SH2B1: variants seen among roughly 807,000 people sequenced by gnomAD.
The protein encoded by SH2B1 is SH2B adapter protein 1.
In SH2B1, 15 loss-of-function variants were observed where a neutral mutation model predicts 62.6. The observed-to-expected ratio is 0.24, with a 90% CI of 0.16 to 0.37. SH2B1 has a LOEUF of 0.37. SH2B1 is among the 10% of genes least tolerant of loss of function. The pLI is 1.00. For synonymous variants in SH2B1, 443 were observed against 438.0 expected, an observed-to-expected ratio of 1.01 and a Z score of -0.14; for missense variants, 925 against 1,015.6, an observed-to-expected ratio of 0.91 and a Z score of 1.21.
At chr16:28,861,219 G>A (rs940804547), upstream of SH2B1, among the ~76,000 whole-genome samples, 6 of 152,036 alleles carry the variant, frequency 3.9e-5, no homozygotes, top group African/African-American at 1.4e-4. Context: ...CACAGCCTCC[G>A]CCTCCCAGAT....
chr16:28,853,680 C>G (rs541951920), intron 1 of SH2B1, among the ~76,000 whole-genome samples: 1 of 151,652 alleles, frequency 6.6e-6, no homozygotes, highest in Non-Finnish European at 1.5e-5. Flanking sequence ...ATCCATTCTC[C>G]GTGCAGCAGC....
Position 28,873,734 on chromosome 16 carries a change from G to A in SH2B1, c.2185G>A (p.Val729Met). ...TGGGGACGCGGGGGTGCCCCCAATG[G>A]TGCAGCTGCAGCAGTCACCACTAGG... Reference protein sequence around the residue: ...SGGDAGVPPMVQLQQSPLGGD... With the variant: ...SGGDAGVPPMMQLQQSPLGGD... The change falls in exon 8 of 8, where the codon GTG becomes ATG. Residue 729 changes from valine to methionine, a missense_variant. Physicochemically the swap from Val to Met is conservative, Grantham distance 21. Coordinates refer to ENST00000684370, the MANE Select transcript of SH2B1 (RefSeq NM_001387430.1). The surrounding 1 kb of genome is among the most constrained non-coding windows in gnomAD (Gnocchi z 4.2). The A allele has an allele frequency of 1.3e-6, 2 of 1,490,470 alleles. No individual in the cohort carries two copies. Among genetic ancestry groups the A allele is most frequent in the Non-Finnish European group, 1.8e-6 (2 of 1,119,266 alleles). The allele number at this position is 1,490,470 out of a possible 1,614,324, so 92.3% of individuals were successfully genotyped here. A position where few individuals can be genotyped will look rare whatever the true frequency, so the allele number is the denominator to read the frequency against.
At chr16:28,855,219 G>A (rs1962292600) in intron 1 of SH2B1, among the ~76,000 whole-genome samples, 1 of 149,880 alleles carries the variant, frequency 6.7e-6, no homozygotes, top group Admixed American at 6.7e-5. Flanking sequence ...TTCCATGATT[G>A]TTTCTTTTTT....
rs1449111831 is a variant in SH2B1, at chr16:28,866,400, G to A, written c.306G>A (p.Ser102=). 16 of 1,613,714 alleles carry A rather than the reference G, an allele frequency of 9.9e-6. No individual in the cohort carries two copies. The highest frequency in any genetic ancestry group is 3.3e-5 in the Admixed American group (2 of 60,010). The change falls in exon 1 of 8, where the codon TCG becomes TCA. Residue 102 remains serine (S), a synonymous_variant. Transcript: ENST00000684370. This position sits in a 1 kb window ranked among gnomAD's most constrained non-coding sequence, Gnocchi z 6.3. ...LAPLSPGAEI[S]PHDLSLESCR... ...CCCTGAGCCCTGGTGCGGAGATTTC[G>A]CCACATGACCTGTCCCTTGAGAGCT...
rs868721692 is a variant in SH2B1, at chr16:28,856,096, C to A, written c.-300-5522C>A. Reference sequence around the variant, plus strand: ...TAAAGACCAGCCTGGCCAACCCCATCTGTACTAAAAATACAAAAAAAAAAA... The same window carrying A: ...TAAAGACCAGCCTGGCCAACCCCATATGTACTAAAAATACAAAAAAAAAAA... On this transcript the variant is annotated intron_variant, in intron 1 of 10. Transcript: ENST00000322610. 1.6e-3 allele frequency among the ~76,000 whole-genome samples: 214 copies of A among 131,952 alleles called. 1 individual carries two copies. The highest frequency in any genetic ancestry group is 5.7e-3 in the African/African-American group (200 of 35,190). 86.6% of individuals were successfully genotyped at this position (131,952 alleles called of 152,430 possible). A position where few individuals can be genotyped will look rare whatever the true frequency, so the allele number is the denominator to read the frequency against.
chr16:28,854,492 C>T (rs531058887), intron 1 of SH2B1, among the ~76,000 whole-genome samples: 4 of 151,924 alleles, frequency 2.6e-5, no homozygotes, highest in East Asian at 3.9e-4. Flanking sequence ...TGGCTCATGC[C>T]TGTATGTAAT....
At position 28,873,201 on chromosome 16, in the gene SH2B1, G is replaced by A. The variant is rs1045873162; in HGVS notation, c.1898-246G>A. On this transcript the variant is annotated intron_variant, in intron 7 of 7. Coordinates refer to ENST00000684370, the MANE Select transcript of SH2B1 (RefSeq NM_001387430.1). This position sits in a 1 kb window ranked among gnomAD's most constrained non-coding sequence, Gnocchi z 4.2. Reference sequence around the variant, plus strand: ...AGCAGGCTGGGAGCCATGCGGGGGTGTGCGAGGGAGATGGATGCCACCCCG... The same window carrying A: ...AGCAGGCTGGGAGCCATGCGGGGGTATGCGAGGGAGATGGATGCCACCCCG... 4 of 1,597,470 alleles carry A rather than the reference G, an allele frequency of 2.5e-6. No individual in the cohort carries two copies. In the African/African-American group the frequency reaches 4.0e-5, roughly 16 times the overall value.
At chr16:28,856,473 C>A (rs1375102995) in intron 1 of SH2B1, among the ~76,000 whole-genome samples, 1 of 152,028 alleles carries the variant, frequency 6.6e-6, no homozygotes, top group African/African-American at 2.4e-5. Context: ...ACCTTCTTGG[C>A]CCTCAGCTTC....
At position 28,867,383 on chromosome 16, in the gene SH2B1, C is replaced by A; in HGVS notation, c.992C>A (p.Thr331Lys). The change falls in exon 2 of 8, where the codon ACA becomes AAA. Residue 331 changes from threonine to lysine, a missense_variant. Thr to Lys is a moderately conservative substitution (Grantham distance 78). Coordinates refer to ENST00000684370, the MANE Select transcript of SH2B1 (RefSeq NM_001387430.1). Reference protein sequence around the residue: ...IPCSSITDVRTTTALEMPDRE... With the variant: ...IPCSSITDVRKTTALEMPDRE... ...TGCTCTTCTATCACAGACGTCCGGACAACCACAGCCCTGGAGATGCCTGAC... is the reference window on the plus strand; with the variant it reads ...TGCTCTTCTATCACAGACGTCCGGAAAACCACAGCCCTGGAGATGCCTGAC... The A allele has an allele frequency of 6.2e-7, 1 of 1,614,210 alleles. No homozygotes were observed. Among genetic ancestry groups the A allele is most frequent in the Non-Finnish European group, 8.5e-7 (1 of 1,180,022 alleles).
At chr16:28,854,181 T>G (rs1962271089) in intron 1 of SH2B1, among the ~76,000 whole-genome samples, 1 of 151,668 alleles carries the variant, frequency 6.6e-6, no homozygotes, top group South Asian at 2.1e-4. Context: ...TAGTTCCAGC[T>G]CTGTGGGAGG....
chr16:28,869,760 A>G (rs1401560737), intron 4 of SH2B1, among the ~76,000 whole-genome samples: 1 of 152,146 alleles, frequency 6.6e-6, no homozygotes, highest in Non-Finnish European at 1.5e-5. Context: ...GTCAGGGGCA[A>G]TCACGTTTTC....
intron 1 of SH2B1, among the ~76,000 whole-genome samples, chr16:28,853,879 TAGTCCC>T (rs1962263512): frequency 6.6e-6 from 1 of 151,298 alleles, no homozygotes; most frequent in Admixed American, 6.6e-5. Context: ...TGCACGCCTG[TAGTCCC>T]AGCTACTCGG....
intron 1 of SH2B1, among the ~76,000 whole-genome samples, chr16:28,850,865 A>G (rs989989050): frequency 6.8e-5 from 10 of 147,280 alleles, no homozygotes; most frequent in African/African-American, 2.5e-4. Flanking sequence ...TCCATCTGAA[A>G]AAAAAAAAAA....
Position 28,872,043 on chromosome 16 carries a change from C to G in SH2B1, c.1513+60C>G. The G allele has an allele frequency of 5.9e-6, 8 of 1,345,582 alleles. No homozygotes were observed. Among genetic ancestry groups the G allele is most frequent in the Middle Eastern group, 2.4e-4 (1 of 4,152 alleles). 83.4% of individuals were successfully genotyped at this position (1,345,582 alleles called of 1,614,324 possible). A position where few individuals can be genotyped will look rare whatever the true frequency, so the allele number is the denominator to read the frequency against. ...TGGGTGCCTACCTTCCTGACCACCT[C>G]TCCTGGGATCCCGAGGGAGCTGGCC... On this transcript the variant is annotated intron_variant, in intron 5 of 7. Transcript: ENST00000684370. This position sits in a 1 kb window ranked among gnomAD's most constrained non-coding sequence, Gnocchi z 5.3.
chr16:28,867,409 C>G lies in SH2B1; in HGVS notation c.1018C>G (p.Arg340Gly). ...RTTTALEMPD[R>G]ENTFVVKVEG... ...AACCACAGCCCTGGAGATGCCTGAC[C>G]GGGAGAACACGTTTGTGGTTAAGGT... is the stretch of plus-strand genomic sequence containing the variant. The change falls in exon 2 of 8, where the codon CGG becomes GGG. Residue 340 changes from arginine to glycine, a missense_variant. By Grantham distance (125) the Arg-to-Gly change is moderately radical. Around this residue, in one of 3 missense-constraint regions of SH2B1, gnomAD observed 683 missense variants for 704.0 expected, o/e 0.97. Transcript: ENST00000684370. 2 of 1,613,792 alleles carry G rather than the reference C, an allele frequency of 1.2e-6. No individual in the cohort carries two copies. The highest frequency in any genetic ancestry group is 1.7e-6 in the Non-Finnish European group (2 of 1,179,684).
In SH2B1 at chr16:28,873,225, C is replaced by T. The variant is rs1485680662; in HGVS notation, c.1898-222C>T. 1.4e-5 allele frequency: 23 copies of T among 1,605,098 alleles called. No individual in the cohort carries two copies. The highest frequency in any genetic ancestry group is 6.8e-5 in the Admixed American group (4 of 59,216). On this transcript the variant is annotated intron_variant, in intron 7 of 7. Coordinates refer to ENST00000684370, the MANE Select transcript of SH2B1 (RefSeq NM_001387430.1). This position sits in a 1 kb window ranked among gnomAD's most constrained non-coding sequence, Gnocchi z 4.2. Reference sequence around the variant, plus strand: ...TGTGCGAGGGAGATGGATGCCACCCCGATGCCTCCTGCACCCTCATGCCCT... The same window carrying T: ...TGTGCGAGGGAGATGGATGCCACCCTGATGCCTCCTGCACCCTCATGCCCT...
Position 28,873,070 on chromosome 16 carries a change from A to T in SH2B1, c.1897+365A>T. ...GCCCTTCCCGGGGACACTCGGTCTG[A>T]TCCCCTTCCCTCCTCCCTCAATGTC... On this transcript the variant is annotated intron_variant, in intron 7 of 7. Transcript: ENST00000684370. This position sits in a 1 kb window ranked among gnomAD's most constrained non-coding sequence, Gnocchi z 4.2. The T allele has an allele frequency of 1.7e-5, 13 of 784,356 alleles. No homozygotes were observed. The highest frequency in any genetic ancestry group is 2.4e-5 in the Non-Finnish European group (12 of 499,320). 48.6% of individuals were successfully genotyped at this position (784,356 alleles called of 1,614,324 possible). A position where few individuals can be genotyped will look rare whatever the true frequency, so the allele number is the denominator to read the frequency against.
Position 28,852,388 on chromosome 16 carries a change from A to T in SH2B1, c.-301+5561A>T, listed in dbSNP as rs1275936482. On this transcript the variant is annotated intron_variant, in intron 1 of 10. Transcript: ENST00000322610. ...TTTATATATATTTACATATATTTAT[A>T]TATATACATATATATTTACATATAT... 6.3e-4 allele frequency among the ~76,000 whole-genome samples: 47 copies of T among 74,772 alleles called. 4 individuals carry two copies. Among genetic ancestry groups the T allele is most frequent in the Non-Finnish European group, 7.1e-4 (32 of 44,868 alleles). The allele number at this position is 74,772 out of a possible 152,430, so 49.1% of individuals were successfully genotyped here.
Position 28,866,173 on chromosome 16 carries a change from C to T in SH2B1, c.79C>T (p.Arg27Trp), listed in dbSNP as rs933512684. ...PLPPPPPPSW[R>W]EFCESHARAA... The stretch of plus-strand genomic sequence containing the variant: ...GCCCCCACCCCCGCCCCCTAGTTGG[C>T]GGGAGTTCTGTGAGTCCCACGCCCG... The change falls in exon 1 of 8, where the codon CGG (arginine) becomes TGG (tryptophan). Residue 27 changes from arginine to tryptophan, a missense_variant. Coordinates refer to ENST00000684370, the MANE Select transcript of SH2B1 (RefSeq NM_001387430.1). This position sits in a 1 kb window ranked among gnomAD's most constrained non-coding sequence, Gnocchi z 6.3. 47 of 1,516,730 alleles carry T rather than the reference C, an allele frequency of 3.1e-5. No individual in the cohort carries two copies. Among genetic ancestry groups the T allele is most frequent in the Middle Eastern group, 2.1e-4 (1 of 4,794 alleles). 94.0% of individuals were successfully genotyped at this position (1,516,730 alleles called of 1,614,324 possible).
Sources: allele counts gnomAD v4.1 joint callset (sites outside exome capture counted in the v4.1 genomes callset), GRCh38; gene constraint gnomAD v4.1.1; regional missense constraint gnomAD v4.1.1; non-coding constraint Gnocchi (gnomAD v3.1); transcripts MANE v1.5; gene names NCBI Gene and HGNC (gene_info 2026-07-23, HGNC 2026-07-21).